The following TRAF2 variants were observed in gnomAD, a reference collection of about 807,000 sequenced individuals.
TRAF2 encodes TNF receptor associated factor 2, also known as TNF receptor-associated factor 2.
In TRAF2, 6 loss-of-function variants were observed where a neutral mutation model predicts 55.6. That is an observed-to-expected ratio of 0.11 (90% CI 0.06 to 0.21). TRAF2 has a LOEUF of 0.21. TRAF2 is among the 10% of genes least tolerant of loss of function. The pLI is 1.00. For missense variants in TRAF2, 561 were observed against 684.5 expected, an observed-to-expected ratio of 0.82 and a Z score of 2.01; for synonymous variants, 329 against 276.3, an observed-to-expected ratio of 1.19 and a Z score of -1.89.
chr9:136,903,442 T>C (rs997575173), intron 4 of TRAF2, among the ~76,000 whole-genome samples: 3 of 152,148 alleles, frequency 2.0e-5, no homozygotes, highest in African/African-American at 7.2e-5. Context: ...AAGCCAAGTA[T>C]GCTCGGCCTC....
chr9:136,898,257 G>A (rs1379478482), intron 1 of TRAF2, among the ~76,000 whole-genome samples: 3 of 152,340 alleles, frequency 2.0e-5, no homozygotes, highest in African/African-American at 7.2e-5. Context: ...CTCCTGCCCA[G>A]TGGGTTTGGT....
At chr9:136,888,728 A>G (rs1564402575) in intron 1 of TRAF2, among the ~76,000 whole-genome samples, 2 of 152,214 alleles carry the variant, frequency 1.3e-5, no homozygotes. Flanking sequence ...CCACCAAACC[A>G]TGTTCACACA....
At chr9:136,920,657 G>A in intron 8 of TRAF2, 142 bp downstream of exon 8, 1 of 1,198,152 alleles carries the variant, frequency 8.3e-7, no homozygotes, top group Non-Finnish European at 1.1e-6. Flanking sequence ...GTCCAGTGTG[G>A]TTTAGGGGAG....
At chr9:136,890,057 C>T (rs1357852295) in intron 1 of TRAF2, among the ~76,000 whole-genome samples, 1 of 139,484 alleles carries the variant, frequency 7.2e-6, no homozygotes, top group African/African-American at 2.7e-5. Context: ...CACGCTCGTT[C>T]AGCCGGTCAC....
intron 4 of TRAF2, 36 bp from the exon 5 acceptor site, chr9:136,908,034 G>A (rs199841585): frequency 1.1e-4 from 170 of 1,574,774 alleles, no homozygotes; most frequent in Non-Finnish European, 1.4e-4. Context: ...AATGTCCCAC[G>A]CGAGTTCTAC....
intron 1 of TRAF2, among the ~76,000 whole-genome samples, chr9:136,895,431 C>T (rs2131283464): frequency 6.6e-6 from 1 of 152,370 alleles, no homozygotes; most frequent in Admixed American, 6.5e-5. Flanking sequence ...ACCTAACAGC[C>T]TGCCTGGAGG....
rs376795999 is a variant in TRAF2, at chr9:136,924,284, C to T, written c.1287+284C>T. Among the ~76,000 whole-genome samples, 40 of 152,102 alleles carry T rather than the reference C, an allele frequency of 2.6e-4. 1 individual carries two copies. Among genetic ancestry groups the T allele is most frequent in the East Asian group, 1.5e-3 (8 of 5,170 alleles). ...AAGAAAAAGCACAAGGCCGAGTGGGCGGGGAGTATGTATCCCTGTGATCCC... is the reference window on the plus strand; with the variant it reads ...AAGAAAAAGCACAAGGCCGAGTGGGTGGGGAGTATGTATCCCTGTGATCCC... On this transcript the variant is annotated intron_variant, in intron 10 of 10. Transcript: ENST00000247668.
At chr9:136,886,594 TGCGGGGTCGGGC>T (rs1243489191) in intron 1 of TRAF2, 53 bp downstream of exon 1, 560 of 905,468 alleles carry the variant, frequency 6.2e-4, no homozygotes, top group South Asian at 1.2e-3. Context: ...CGGGGTCGGG[TGCGGGGTCGGGC>T]GCGGGGTCGG....
chr9:136,924,123 A>G, intron 10 of TRAF2, 123 bp downstream of exon 10: 1 of 1,203,876 alleles, frequency 8.3e-7, no homozygotes, highest in African/African-American at 1.5e-5. Flanking sequence ...AGGTGTCTGC[A>G]GCAGGCACGT....
At chr9:136,919,392 G>A (rs374484736) in intron 7 of TRAF2, among the ~76,000 whole-genome samples, 2 of 133,982 alleles carry the variant, frequency 1.5e-5, no homozygotes, top group South Asian at 2.6e-4. Context: ...TCCACCTCCC[G>A]GGTTCAAACA....
chr9:136,917,248 A>T (rs1850264670), intron 7 of TRAF2, among the ~76,000 whole-genome samples: 1 of 152,090 alleles, frequency 6.6e-6, no homozygotes, highest in Non-Finnish European at 1.5e-5. Flanking sequence ...ATGGCTTCTC[A>T]TTCAGAGTGG....
intron 1 of TRAF2, among the ~76,000 whole-genome samples, chr9:136,887,745 C>A (rs1337930333): frequency 6.6e-6 from 1 of 152,146 alleles, no homozygotes; most frequent in South Asian, 2.1e-4. Context: ...TCAAGATCTC[C>A]TCTTCTACCA....
chr9:136,894,207 C>T (rs1237624098), intron 1 of TRAF2, among the ~76,000 whole-genome samples: 4 of 151,820 alleles, frequency 2.6e-5, no homozygotes, highest in East Asian at 1.9e-4. Context: ...CCACAATGTC[C>T]GGCTAATTTT....
At chr9:136,897,484 G>A (rs1005603549) in intron 1 of TRAF2, among the ~76,000 whole-genome samples, 5 of 151,962 alleles carry the variant, frequency 3.3e-5, no homozygotes, top group Non-Finnish European at 5.9e-5. Context: ...GAATGCACTA[G>A]CCAGCCCCAG....
Position 136,911,513 on chromosome 9 carries a change from C to T in TRAF2, c.603+1519C>T, listed in dbSNP as rs186936993. Among the ~76,000 whole-genome samples the T allele has an allele frequency of 3.0e-4, 45 of 152,312 alleles. 1 individual carries two copies. In the East Asian group the frequency reaches 8.7e-3, roughly 29 times the overall value. Reference sequence around the variant, plus strand: ...CTCCCAACTTTAGGTGATCCACCTGCCTCAGCCTCCCAAAGTGCTGGGATT... The same window carrying T: ...CTCCCAACTTTAGGTGATCCACCTGTCTCAGCCTCCCAAAGTGCTGGGATT... On this transcript the variant is annotated intron_variant, in intron 6 of 10. Transcript: ENST00000247668.
chr9:136,887,235 T>G (rs1849474458), intron 1 of TRAF2, among the ~76,000 whole-genome samples: 1 of 152,120 alleles, frequency 6.6e-6, no homozygotes, highest in Non-Finnish European at 1.5e-5. Flanking sequence ...GTCCTGGCAG[T>G]AGCAGGGGAT....
At chr9:136,910,058 C>T (rs1381062897) in intron 6 of TRAF2, 64 bp downstream of exon 6, 7 of 1,506,892 alleles carry the variant, frequency 4.6e-6, no homozygotes, top group Admixed American at 1.8e-5. Flanking sequence ...CGTGAGGGTC[C>T]CGTGGGTGGG....
upstream of TRAF2, chr9:136,882,610 C>G (rs1849387547): frequency 4.2e-6 from 4 of 959,580 alleles, no homozygotes; most frequent in South Asian, 1.4e-4. Context: ...GGGGACATAC[C>G]CTCCCCCTGC....
intron 4 of TRAF2, among the ~76,000 whole-genome samples, chr9:136,905,522 G>A (rs1221059596): frequency 1.3e-5 from 2 of 152,178 alleles, no homozygotes; most frequent in Non-Finnish European, 2.9e-5. Context: ...AGATGGTGGT[G>A]ATGGTTACAT....
Sources: gnomAD v4.1 joint callset for allele counts (sites outside exome capture counted in the v4.1 genomes callset) on GRCh38, gnomAD v4.1.1 for gene constraint, MANE v1.5 for transcripts, NCBI Gene and HGNC (gene_info 2026-07-23, HGNC 2026-07-21) for gene names.